Variants in ADGRG6 observed in about 807,000 individuals in gnomAD.
ADGRG6 encodes G-protein coupled receptor 126.
A neutral mutation model predicts 142.4 loss-of-function variants in ADGRG6; 84 were observed. That is an observed-to-expected ratio of 0.59 (90% CI 0.49 to 0.71). ADGRG6 has a LOEUF of 0.71. Ranked by LOEUF, ADGRG6 falls within the 30% of genes least tolerant of loss-of-function variation. ADGRG6 has a pLI of 0.00. For synonymous variants in ADGRG6, 521 were observed against 520.5 expected (o/e 1.00, Z -0.01); for missense variants, 1,367 against 1,466.6 (o/e 0.93, Z 1.11).
chr6:142,395,643 A>C (rs1051305799), intron 9 of ADGRG6, among the ~76,000 whole-genome samples: 1 of 152,200 alleles, frequency 6.6e-6, no homozygotes, highest in Non-Finnish European at 1.5e-5. Context: ...GAACTGAGAC[A>C]GTGTATATAG....
intron 22 of ADGRG6, among the ~76,000 whole-genome samples, chr6:142,435,088 C>G (rs1777416966): frequency 6.6e-6 from 1 of 152,036 alleles, no homozygotes; most frequent in South Asian, 2.1e-4. Flanking sequence ...GATGAATACT[C>G]CATATTCAAA....
At chr6:142,407,790 T>C (rs1020246095) in intron 15 of ADGRG6, among the ~76,000 whole-genome samples, 1 of 152,222 alleles carries the variant, frequency 6.6e-6, no homozygotes, top group African/African-American at 2.4e-5. Flanking sequence ...AAACAACATC[T>C]ATCTTCTAAA....
intron 3 of ADGRG6, among the ~76,000 whole-genome samples, chr6:142,368,359 G>A (rs1415437464): frequency 1.3e-5 from 2 of 152,248 alleles, no homozygotes; most frequent in East Asian, 3.9e-4. Flanking sequence ...AACAGTTTAA[G>A]CTAATAAATA....
rs1554234633 is a variant in ADGRG6, at chr6:142,338,027, T to TTTTTTTTTG, written c.103+28391_103+28392insGTTTTTTTT. On this transcript the variant is annotated intron_variant, in intron 2 of 24. Transcript: ENST00000367609. ...ATGCCTTGTATCTTTGTTTTTTTTT[T>TTTTTTTTTG]TTTTTTTTTTTGAGACGGAGTCTCG... Among the ~76,000 whole-genome samples the TTTTTTTTTG allele has an allele frequency of 2.8e-4, 16 of 58,002 alleles. 5 individuals carry two copies. The highest frequency in any genetic ancestry group is 6.7e-4 in the African/African-American group (12 of 17,906). The allele number at this position is 58,002 out of a possible 152,430, so 38.1% of individuals were successfully genotyped here. A position where few individuals can be genotyped will look rare whatever the true frequency, so the allele number is the denominator to read the frequency against.
chr6:142,422,369 G>A (rs2115109090), intron 22 of ADGRG6, among the ~76,000 whole-genome samples: 1 of 152,018 alleles, frequency 6.6e-6, no homozygotes, highest in South Asian at 2.1e-4. Flanking sequence ...CTGTGTCCAT[G>A]TGATCTCATT....
intron 10 of ADGRG6, among the ~76,000 whole-genome samples, chr6:142,398,034 G>A (rs1324196032): frequency 6.6e-6 from 1 of 152,100 alleles, no homozygotes; most frequent in African/African-American, 2.4e-5. Context: ...GAATAATCTT[G>A]ATCATCACTG....
chr6:142,351,082 A>G (rs207467489), intron 2 of ADGRG6, among the ~76,000 whole-genome samples: 1 of 152,076 alleles, frequency 6.6e-6, no homozygotes, highest in Non-Finnish European at 1.5e-5. Context: ...AAAAAAGAAA[A>G]TACAAAAAAT....
intron 4 of ADGRG6, among the ~76,000 whole-genome samples, chr6:142,371,967 T>A (rs976560401): frequency 6.6e-6 from 1 of 152,236 alleles, no homozygotes; most frequent in Non-Finnish European, 1.5e-5. Flanking sequence ...ATTATCCATT[T>A]TTTTCTTTGA....
intron 2 of ADGRG6, among the ~76,000 whole-genome samples, chr6:142,318,417 T>C (rs1778347843): frequency 8.3e-6 from 1 of 120,056 alleles, no homozygotes; most frequent in Non-Finnish European, 1.6e-5. Context: ...ATATATATAA[T>C]ATATTTATAT....
chr6:142,312,286 A>G (rs1288232792), intron 2 of ADGRG6, among the ~76,000 whole-genome samples: 14 of 152,058 alleles, frequency 9.2e-5, no homozygotes, highest in Admixed American at 9.2e-4. Flanking sequence ...TTTAATTCTT[A>G]TAATAGAATT....
intron 10 of ADGRG6, among the ~76,000 whole-genome samples, chr6:142,399,693 AACC>A (rs1775397251): frequency 6.6e-6 from 1 of 152,214 alleles, no homozygotes; most frequent in African/African-American, 2.4e-5. Flanking sequence ...AAAAGGCTAA[AACC>A]TAACAGTTTT....
At chr6:142,426,132 A>C (rs1456764367) in intron 22 of ADGRG6, among the ~76,000 whole-genome samples, 1 of 152,144 alleles carries the variant, frequency 6.6e-6, no homozygotes, top group African/African-American at 2.4e-5. Flanking sequence ...ATGCCTTCCC[A>C]ACAGTCCCCC....
chr6:142,318,270 A>T (rs1346954642), intron 2 of ADGRG6, among the ~76,000 whole-genome samples: 2 of 75,210 alleles, frequency 2.7e-5, no homozygotes, highest in East Asian at 7.7e-4. Context: ...TATTATATAT[A>T]TTTATATTAT....
At chr6:142,429,058 A>G (rs1224542338) in intron 22 of ADGRG6, among the ~76,000 whole-genome samples, 1 of 152,204 alleles carries the variant, frequency 6.6e-6, no homozygotes, top group African/African-American at 2.4e-5. Flanking sequence ...TTTGTGGTAT[A>G]CAAATTGCTA....
intron 21 of ADGRG6, 114 bp downstream of exon 21, chr6:142,417,483 A>G (rs1343076717): frequency 6.4e-6 from 4 of 623,706 alleles, no homozygotes; most frequent in African/African-American, 3.7e-5. Flanking sequence ...GTTTATTCAC[A>G]TGACTGCCAA....
At chr6:142,393,871 T>C in intron 8 of ADGRG6, 25 bp from the exon 9 acceptor site, 1 of 1,414,224 alleles carries the variant, frequency 7.1e-7, no homozygotes, top group Non-Finnish European at 9.8e-7. Context: ...GGTGGATTAA[T>C]GAATATATGT....
chr6:142,403,486 G>A (rs775127791), intron 13 of ADGRG6, among the ~76,000 whole-genome samples: 2 of 152,018 alleles, frequency 1.3e-5, no homozygotes, highest in Non-Finnish European at 2.9e-5. Flanking sequence ...TTGATAAGCC[G>A]TAAGGTAGGG....
intron 2 of ADGRG6, among the ~76,000 whole-genome samples, chr6:142,328,586 T>C (rs1778895091): frequency 1.3e-5 from 2 of 152,168 alleles, no homozygotes; most frequent in South Asian, 2.1e-4. Flanking sequence ...AGTTCAGTAA[T>C]TGTACTCAAC....
chr6:142,395,682 G>A (rs775763362), intron 9 of ADGRG6, among the ~76,000 whole-genome samples: 2 of 152,038 alleles, frequency 1.3e-5, no homozygotes, highest in Non-Finnish European at 2.9e-5. Context: ...GGGCTTTTTG[G>A]TATGAACTCT....
Sources: allele counts gnomAD v4.1 joint callset (sites outside exome capture counted in the v4.1 genomes callset), GRCh38; gene constraint gnomAD v4.1.1; transcripts MANE v1.5; gene names NCBI Gene and HGNC (gene_info 2026-07-23, HGNC 2026-07-21).